Variants in ZBTB46 observed in about 807,000 individuals in gnomAD.
ZBTB46 encodes zinc finger and BTB domain containing 46.
In ZBTB46, 8 loss-of-function variants were observed where a neutral mutation model predicts 44.1. The observed-to-expected ratio is 0.18, with a 90% CI of 0.11 to 0.33. The LOEUF (loss-of-function observed/expected upper bound fraction) is 0.33, where lower values mean the gene tolerates loss of function less well. Ranked by LOEUF, ZBTB46 falls within the 10% of genes least tolerant of loss-of-function variation. The pLI is 1.00. For synonymous variants in ZBTB46, 409 were observed against 382.3 expected (o/e 1.07, Z -0.81); for missense variants, 651 against 847.7 (o/e 0.77, Z 2.88).
chr20:63,746,960 G>A lies in ZBTB46; in HGVS notation c.1740C>T (p.Gly580=), dbSNP rs1284008812. The A allele has an allele frequency of 2.5e-6, 4 of 1,588,210 alleles. No homozygotes were observed. Among genetic ancestry groups the A allele is most frequent in the South Asian group, 1.1e-5 (1 of 88,316 alleles). The change falls in exon 5 of 5, where the codon GGC becomes GGT. Residue 580 remains glycine (G), a synonymous_variant. Coordinates refer to ENST00000245663, the MANE Select transcript of ZBTB46 (RefSeq NM_001369741.1). The part of the protein sequence containing the change: ...DSPRPRSPPG[G]PDKDFAWLS ...AGAGCCAGGCGAAGTCCTTGTCAGG[G>A]CCTCCTGGGGGGCTGCGCGGCCGCG...
chr20:63,790,152 C>T lies in ZBTB46; in HGVS notation c.606G>A (p.Glu202=), dbSNP rs757413756. 6.2e-7 allele frequency: 1 copy of T among 1,613,928 alleles called. No homozygotes were observed. Among genetic ancestry groups the T allele is most frequent in the Non-Finnish European group, 8.5e-7 (1 of 1,180,022 alleles). ...CATCATCAGGGCCATCGGCCTTGGG[C>T]TCCTGATCCTCTTTCCCGTAGCTGC... is the stretch of plus-strand genomic sequence containing the variant. ...GGSSYGKEDQ[E]PKADGPDDVS... Residue 202 remains glutamate (E), a synonymous_variant, in exon 2 of 5, where the codon GAG becomes GAA. Transcript: ENST00000245663.
intron 1 of ZBTB46, among the ~76,000 whole-genome samples, chr20:63,829,070 C>A (rs1163022001): frequency 3.9e-5 from 6 of 152,208 alleles, no homozygotes; most frequent in Non-Finnish European, 7.3e-5. Context: ...GTGTACCCCC[C>A]ACGGCATTTC....
intron 2 of ZBTB46, among the ~76,000 whole-genome samples, chr20:63,782,201 C>CCGAGCCCT (rs1359764729): frequency 6.6e-6 from 1 of 152,072 alleles, no homozygotes; most frequent in Admixed American, 6.5e-5. Context: ...GCTGCAACCC[C>CCGAGCCCT]CGAGCCGTGG....
chr20:63,813,543 C>A (rs1224501994), intron 1 of ZBTB46, among the ~76,000 whole-genome samples: 1 of 152,246 alleles, frequency 6.6e-6, no homozygotes, highest in African/African-American at 2.4e-5. Flanking sequence ...TCCCCTGCCA[C>A]TGCCCTGCGC....
chr20:63,766,662 T>C (rs6011096), intron 3 of ZBTB46, among the ~76,000 whole-genome samples: 79,196 of 152,062 alleles, frequency 0.52, 21,762 homozygotes, highest in African/African-American at 0.68. Context: ...CCCTCACAGA[T>C]GCCAGCAGAG....
At chr20:63,829,910 T>C (rs1436874122) in intron 1 of ZBTB46, among the ~76,000 whole-genome samples, 1 of 152,206 alleles carries the variant, frequency 6.6e-6, no homozygotes, top group Non-Finnish European at 1.5e-5. Context: ...ACAATTAAAA[T>C]GCCCGTGAGT....
chr20:63,828,292 A>G (rs553423963), intron 1 of ZBTB46, among the ~76,000 whole-genome samples: 1 of 152,388 alleles, frequency 6.6e-6, no homozygotes, highest in South Asian at 2.1e-4. Context: ...CACTCCGCAC[A>G]AGTTCACAGC....
intron 1 of ZBTB46, among the ~76,000 whole-genome samples, chr20:63,825,808 T>A (rs6090005): frequency 0.026 from 3,887 of 152,320 alleles, 177 homozygotes; most frequent in African/African-American, 0.088. Flanking sequence ...CTGCGACAGG[T>A]AATGCTTAGC....
rs981575494 is a variant in ZBTB46 at position 63,803,787 on chromosome 20, A to C, written c.-33-12997T>G. Among the ~76,000 whole-genome samples the C allele has an allele frequency of 1.3e-5, 2 of 152,148 alleles. No individual in the cohort carries two copies. Among genetic ancestry groups the C allele is most frequent in the African/African-American group, 2.4e-5 (1 of 41,438 alleles). ...CAGTGGCGCAATCTCGGCTCACTGC[A>C]GCCTCAACCTCCCAGGCTCAAGGCA... On this transcript the variant is annotated intron_variant, in intron 1 of 4. Transcript: ENST00000245663. The surrounding 1 kb of genome is among the most constrained non-coding windows in gnomAD (Gnocchi z 4.0).
At position 63,797,798 on chromosome 20, in the gene ZBTB46, C is replaced by A. The variant is rs140716763; in HGVS notation, c.-33-7008G>T. ...ATCTGTCTGTTGGCTGCATAAATGTCTTCTTTTGAGAAGTGTCTGTTCATA... is the reference window on the plus strand; with the variant it reads ...ATCTGTCTGTTGGCTGCATAAATGTATTCTTTTGAGAAGTGTCTGTTCATA... On this transcript the variant is annotated intron_variant, in intron 1 of 4. Coordinates refer to ENST00000245663, the MANE Select transcript of ZBTB46 (RefSeq NM_001369741.1). Among the ~76,000 whole-genome samples the A allele has an allele frequency of 4.0e-3, 615 of 152,330 alleles. 2 individuals are homozygous for A. The highest frequency in any genetic ancestry group is 0.014 in the African/African-American group (574 of 41,574).
At chr20:63,805,889 C>T (rs1276805146) in intron 1 of ZBTB46, among the ~76,000 whole-genome samples, 1 of 151,890 alleles carries the variant, frequency 6.6e-6, no homozygotes, top group Non-Finnish European at 1.5e-5. Flanking sequence ...TCTCGTGCCT[C>T]GGCCTCCCCA....
At chr20:63,783,739 G>A (rs1232658734) in intron 2 of ZBTB46, among the ~76,000 whole-genome samples, 7 of 152,156 alleles carry the variant, frequency 4.6e-5, no homozygotes, top group African/African-American at 1.2e-4. Context: ...ATCGGGGTGC[G>A]GAGCCGGACG....
Position 63,787,877 on chromosome 20 carries a change from G to A in ZBTB46, c.937+1944C>T, listed in dbSNP as rs976699612. The stretch of plus-strand genomic sequence containing the variant: ...CTCAGCGACGGAGAGGAGGGACCAG[G>A]GTCAGGAGAAGAGGCCACACCCGCC... On this transcript the variant is annotated intron_variant, in intron 2 of 4. Transcript: ENST00000245663. This position sits in a 1 kb window ranked among gnomAD's most constrained non-coding sequence, Gnocchi z 4.6. 1 of 152,236 alleles carries A rather than the reference G, an allele frequency of 6.6e-6. No homozygotes were observed. Among genetic ancestry groups the A allele is most frequent in the African/African-American group, 2.4e-5 (1 of 41,452 alleles). The allele number at this position is 152,236 out of a possible 1,614,324, so 9.4% of individuals were successfully genotyped here. A position where few individuals can be genotyped will look rare whatever the true frequency, so the allele number is the denominator to read the frequency against.
At chr20:63,815,182 C>CCAGGTGCAGTGGGTG in intron 1 of ZBTB46, 1 of 216,344 alleles carries the variant, frequency 4.6e-6, no homozygotes, top group Non-Finnish European at 9.5e-6. Flanking sequence ...TGCAGTGGGC[C>CCAGGTGCAGTGGGTG]CAGGTGCAGT....
chr20:63,794,559 T>C (rs139892419), intron 1 of ZBTB46, among the ~76,000 whole-genome samples: 68 of 152,342 alleles, frequency 4.5e-4, no homozygotes, highest in African/African-American at 1.3e-3. Flanking sequence ...ATAATCTCTC[T>C]AAGCCCAGAA....
chr20:63,811,036 C>G (rs540663122), intron 1 of ZBTB46, among the ~76,000 whole-genome samples: 40 of 152,354 alleles, frequency 2.6e-4, no homozygotes, highest in African/African-American at 7.7e-4. Flanking sequence ...GTGTTCCACT[C>G]TCTTTGACTT....
chr20:63,830,156 C>G (rs557150101), intron 1 of ZBTB46, among the ~76,000 whole-genome samples: 2 of 152,330 alleles, frequency 1.3e-5, no homozygotes, highest in East Asian at 3.9e-4. Flanking sequence ...TGTACCCTGG[C>G]TCCTCGGTCC....
chr20:63,792,016 G>A (rs117805520), intron 1 of ZBTB46, among the ~76,000 whole-genome samples: 31 of 152,280 alleles, frequency 2.0e-4, no homozygotes, highest in African/African-American at 5.3e-4. Flanking sequence ...GGCATCGCAC[G>A]AGCTCTGCCT....
At chr20:63,814,090 G>A (rs905494401) in intron 1 of ZBTB46, among the ~76,000 whole-genome samples, 34 of 151,728 alleles carry the variant, frequency 2.2e-4, no homozygotes, top group Admixed American at 1.7e-3. Flanking sequence ...AAAATTAGCC[G>A]GGCATGGCAG....
Sources: gnomAD v4.1 joint callset for allele counts (sites outside exome capture counted in the v4.1 genomes callset) on GRCh38, gnomAD v4.1.1 for gene constraint, Gnocchi (gnomAD v3.1) non-coding constraint, MANE v1.5 for transcripts, NCBI Gene and HGNC (gene_info 2026-07-23, HGNC 2026-07-21) for gene names.